MCC: variants seen among roughly 807,000 people sequenced by gnomAD.
The protein encoded by MCC is MCC regulator of Wnt signaling pathway.
Under a neutral mutation model 116.2 loss-of-function variants are expected in MCC, and 90 were observed. That is an observed-to-expected ratio of 0.77 (90% CI 0.65 to 0.92). The LOEUF is 0.92. Ranked by LOEUF, MCC falls within the 40% of genes least tolerant of loss-of-function variation. The pLI is 0.00. For missense variants in MCC, 1,516 were observed against 1,312.2 expected, an observed-to-expected ratio of 1.16 and a Z score of -2.40; for synonymous variants, 578 against 510.5, an observed-to-expected ratio of 1.13 and a Z score of -1.78.
chr5:113,238,223 G>C (rs772704812), intron 3 of MCC, among the ~76,000 whole-genome samples: 1 of 152,072 alleles, frequency 6.6e-6, no homozygotes, highest in Admixed American at 6.6e-5. Context: ...TCAAACTGAT[G>C]AGCTTCTGGC....
intron 6 of MCC, among the ~76,000 whole-genome samples, chr5:113,108,972 G>A (rs1489905389): frequency 6.6e-6 from 1 of 152,148 alleles, no homozygotes; most frequent in East Asian, 1.9e-4. Context: ...ACAGGAGGAC[G>A]AGGAGACTGG....
intron 10 of MCC, among the ~76,000 whole-genome samples, chr5:113,083,325 T>C (rs1299266355): frequency 1.3e-5 from 2 of 152,156 alleles, no homozygotes; most frequent in Non-Finnish European, 2.9e-5. Flanking sequence ...TCAGGATTTC[T>C]TTCCCCTATC....
At chr5:113,120,421 T>A (rs538724508) in intron 6 of MCC, among the ~76,000 whole-genome samples, 1 of 152,240 alleles carries the variant, frequency 6.6e-6, no homozygotes, top group South Asian at 2.1e-4. Context: ...GGCTTTGATG[T>A]ATTTTATTTG....
intron 3 of MCC, among the ~76,000 whole-genome samples, chr5:113,297,382 T>C (rs967818290): frequency 1.3e-5 from 2 of 152,008 alleles, no homozygotes; most frequent in African/African-American, 4.8e-5. Flanking sequence ...CTGGCCAACA[T>C]GGTGATACCC....
intron 3 of MCC, among the ~76,000 whole-genome samples, chr5:113,174,568 A>G (rs1000791530): frequency 5.9e-5 from 9 of 152,138 alleles, no homozygotes; most frequent in African/African-American, 1.7e-4. Flanking sequence ...GACCTTGGAG[A>G]AAAAACCCAC....
chr5:113,058,380 T>A (rs1370212957), intron 14 of MCC, among the ~76,000 whole-genome samples: 1 of 152,164 alleles, frequency 6.6e-6, no homozygotes, highest in Non-Finnish European at 1.5e-5. Flanking sequence ...GGGGACTTGT[T>A]AGAAATGCAC....
Position 113,388,355 on chromosome 5 carries a change from G to A in MCC, c.171-3143C>T, listed in dbSNP as rs548357811. ...AACAATAATAACTAACAAGCCTGCAGGGGAATTACAATTATCCCCTGATAT... is the reference window on the plus strand; with the variant it reads ...AACAATAATAACTAACAAGCCTGCAAGGGAATTACAATTATCCCCTGATAT... On this transcript the variant is annotated intron_variant, in intron 1 of 18. Transcript: ENST00000408903. 4.6e-5 allele frequency among the ~76,000 whole-genome samples: 7 copies of A among 152,258 alleles called. No individual in the cohort carries two copies. The South Asian group carries it at 1.4e-3, about 32-fold the overall frequency.
At chr5:113,112,926 G>A (rs540203493) in intron 6 of MCC, among the ~76,000 whole-genome samples, 1 of 152,330 alleles carries the variant, frequency 6.6e-6, no homozygotes, top group South Asian at 2.1e-4. Flanking sequence ...TGCTAATAGG[G>A]CAGAAAGCTT....
At chr5:113,145,263 G>C (rs899574289) in intron 4 of MCC, among the ~76,000 whole-genome samples, 9 of 152,252 alleles carry the variant, frequency 5.9e-5, no homozygotes, top group African/African-American at 1.4e-4. Context: ...CTCTCATGCA[G>C]GTCACCAGTT....
rs75011206 is a variant in MCC, at chr5:113,172,357, C to A, written c.628-20935G>T. Among the ~76,000 whole-genome samples the A allele has an allele frequency of 1.2e-3, 181 of 152,336 alleles. 1 individual carries two copies. The highest frequency in any genetic ancestry group is 4.0e-3 in the African/African-American group (168 of 41,580). ...TTTGGAGGTTAGAACAACTATTCAG[C>A]TGCTTTAGCACTTCATTTGCATAGA... On this transcript the variant is annotated intron_variant, in intron 3 of 18. Coordinates refer to ENST00000408903, the MANE Select transcript of MCC (RefSeq NM_001085377.2).
chr5:113,129,170 T>G (rs1758275344), intron 5 of MCC, among the ~76,000 whole-genome samples: 1 of 152,110 alleles, frequency 6.6e-6, no homozygotes, highest in South Asian at 2.1e-4. Context: ...GGGCTGCTGC[T>G]GTATGAGGTT....
At chr5:113,233,258 C>A (rs1482344998) in intron 3 of MCC, among the ~76,000 whole-genome samples, 1 of 152,110 alleles carries the variant, frequency 6.6e-6, no homozygotes. Flanking sequence ...TAACACCTAC[C>A]ATGAACTGCA....
intron 6 of MCC, among the ~76,000 whole-genome samples, chr5:113,118,971 T>C (rs1209999687): frequency 6.6e-6 from 1 of 152,200 alleles, no homozygotes; most frequent in Non-Finnish European, 1.5e-5. Flanking sequence ...CTGTGACCTC[T>C]GGCAAGCATT....
At position 113,224,163 on chromosome 5, in the gene MCC, C is replaced by T. The variant is rs559964767; in HGVS notation, c.628-72741G>A. On this transcript the variant is annotated intron_variant, in intron 3 of 18. Transcript: ENST00000408903. ...AGGCTGGAGTGCAGTGGTGTGATTTCGGCTCACTGCAACCTCCGCCTCCCA... is the reference window on the plus strand; with the variant it reads ...AGGCTGGAGTGCAGTGGTGTGATTTTGGCTCACTGCAACCTCCGCCTCCCA... 1.6e-4 allele frequency among the ~76,000 whole-genome samples: 24 copies of T among 152,248 alleles called. No individual in the cohort carries two copies. In the South Asian group the frequency reaches 2.7e-3, roughly 17 times the overall value.
chr5:113,194,602 G>A (rs538305685), intron 3 of MCC, among the ~76,000 whole-genome samples: 148 of 152,156 alleles, frequency 9.7e-4, no homozygotes, highest in African/African-American at 3.3e-3. Context: ...AGGCTGCAGC[G>A]AACCAAGATT....
intron 11 of MCC, among the ~76,000 whole-genome samples, chr5:113,080,084 A>C (rs1395192589): frequency 6.6e-6 from 1 of 152,386 alleles, no homozygotes; most frequent in Admixed American, 6.5e-5. Flanking sequence ...AGAGAAATGC[A>C]AATCAAAACC....
At chr5:113,089,941 C>T (rs1352698967) in intron 8 of MCC, among the ~76,000 whole-genome samples, 1 of 152,130 alleles carries the variant, frequency 6.6e-6, no homozygotes, top group Non-Finnish European at 1.5e-5. Flanking sequence ...CCGGAGCTGA[C>T]AATGATATCA....
chr5:113,313,240 G>A (rs996766454), intron 3 of MCC, among the ~76,000 whole-genome samples: 10 of 152,008 alleles, frequency 6.6e-5, no homozygotes, highest in Non-Finnish European at 1.2e-4. Flanking sequence ...CTAGCTACTC[G>A]GGAGGCTGAG....
At chr5:113,441,609 C>T (rs555898321) in intron 1 of MCC, among the ~76,000 whole-genome samples, 44 of 152,202 alleles carry the variant, frequency 2.9e-4, no homozygotes, top group African/African-American at 9.9e-4. Flanking sequence ...CCCATCAACC[C>T]GTCACCTACA....
Sources: gnomAD v4.1 joint callset for allele counts (sites outside exome capture counted in the v4.1 genomes callset) on GRCh38, gnomAD v4.1.1 for gene constraint, MANE v1.5 for transcripts, NCBI Gene and HGNC (gene_info 2026-07-23, HGNC 2026-07-21) for gene names.